The following ZNF692 variants were observed in gnomAD, a reference collection of about 807,000 sequenced individuals.
ZNF692 encodes AICAR responsive element binding protein.
A neutral mutation model predicts 49.0 loss-of-function variants in ZNF692; 41 were observed. That is an observed-to-expected ratio of 0.84 (90% CI 0.65 to 1.08). The LOEUF is 1.08. ZNF692 is among the 50% of genes least tolerant of loss of function. The pLI is 0.00. For synonymous variants in ZNF692, 288 were observed against 251.5 expected (o/e 1.15, Z -1.37); for missense variants, 662 against 662.2 (o/e 1.00, Z 0.00).
Position 248,855,468 on chromosome 1 carries a change from A to C in ZNF692, c.960-10T>G. On this transcript the variant is annotated splice_polypyrimidine_tract_variant and intron_variant, in intron 8 of 11. Transcript: ENST00000306601. ...TCTTTTGGCAGCTTTCCTGAGGAGAAGAATGGAAAGGAGCAGCATGACTCC... is the reference window on the plus strand; with the variant it reads ...TCTTTTGGCAGCTTTCCTGAGGAGACGAATGGAAAGGAGCAGCATGACTCC... 9 of 1,614,116 alleles carry C rather than the reference A, an allele frequency of 5.6e-6. No individual in the cohort carries two copies. The highest frequency in any genetic ancestry group is 7.6e-6 in the Non-Finnish European group (9 of 1,180,000).
intron 2 of ZNF692, 135 bp downstream of exon 2, chr1:248,857,996 G>A (rs977914131): frequency 1.9e-6 from 3 of 1,547,966 alleles, no homozygotes; most frequent in Non-Finnish European, 2.6e-6. Flanking sequence ...ACCCTCGGAG[G>A]CCACAAGTCA....
Position 248,855,594 on chromosome 1 carries a change from TC to T in ZNF692, c.922del (p.Asp308MetfsTer20). The T allele has an allele frequency of 6.2e-7, 1 of 1,614,188 alleles. No homozygotes were observed. The highest frequency in any genetic ancestry group is 8.5e-7 in the Non-Finnish European group (1 of 1,180,030). ...QAQSAPTPAWDEDTAQIGPKR... is the reference protein window; with the variant it reads ...QAQSAPTPAWXEDTAQIGPKR... ...GGGGCCAATTTGTGCAGTGTCCTCA[TC>T]CCAGGCCGGGGTTGGAGCAGACTGG... On this transcript the variant is annotated frameshift_variant, in exon 8 of 12. Transcript: ENST00000306601. LOFTEE classifies it high-confidence loss of function.
rs371567756 is a variant in ZNF692 at position 248,858,771 on chromosome 1, T to G, written c.-13+147A>C. ...GTTGGGTCGAGTGGCGGTGAGGCCG[T>G]GGTCAGAGGTCTGGAGGGCGCCCCC... On this transcript the variant is annotated intron_variant, in intron 1 of 11. Coordinates refer to ENST00000306601, the MANE Select transcript of ZNF692 (RefSeq NM_017865.4). The surrounding 1 kb of genome is among the most constrained non-coding windows in gnomAD (Gnocchi z 4.3). The G allele has an allele frequency of 8.4e-4, 510 of 609,900 alleles. No homozygotes were observed. Among genetic ancestry groups the G allele is most frequent in the African/African-American group, 7.6e-3 (412 of 54,248 alleles). 37.8% of individuals were successfully genotyped at this position (609,900 alleles called of 1,614,324 possible).
chr1:248,855,411 C>G lies in ZNF692; in HGVS notation c.1007G>C (p.Gly336Ala). ...ATACTGCCGGTTGGAGAAGATCCTT[C>G]CACAGCCAGGGAAGTCACAAGGCAT... is the stretch of plus-strand genomic sequence containing the variant. ...ELMPCDFPGC[G>A]RIFSNRQYLN... The change falls in exon 9 of 12, where the codon GGA becomes GCA. Residue 336 changes from glycine to alanine, a missense_variant. Transcript: ENST00000306601. 1 of 1,614,182 alleles carries G rather than the reference C, an allele frequency of 6.2e-7. No individual in the cohort carries two copies. The highest frequency in any genetic ancestry group is 8.5e-7 in the Non-Finnish European group (1 of 1,180,034).
intron 9 of ZNF692, chr1:248,854,472 G>A (rs758011856): frequency 3.0e-4 from 50 of 164,562 alleles, no homozygotes; most frequent in South Asian, 1.4e-4. Context: ...CAGTATTCAC[G>A]TACAACAGTA....
intron 9 of ZNF692, 130 bp downstream of exon 9, chr1:248,855,250 T>C (rs1660087760): frequency 1.2e-6 from 1 of 825,734 alleles, no homozygotes; most frequent in Admixed American, 2.3e-5. Flanking sequence ...CAAAAGACTT[T>C]ATACATGTCA....
At chr1:248,857,578 G>A (rs1660390596) in intron 3 of ZNF692, 81 bp from the exon 4 acceptor site, 1 of 1,533,332 alleles carries the variant, frequency 6.5e-7, no homozygotes, top group Non-Finnish European at 8.8e-7. Context: ...AGGGAGCCCT[G>A]TTCCCTCAAA....
At chr1:248,856,068 G>GCTC in intron 6 of ZNF692, 122 bp from the exon 7 acceptor site, 3 of 1,224,288 alleles carry the variant, frequency 2.5e-6, no homozygotes, top group Non-Finnish European at 3.4e-6. Flanking sequence ...CCCACCCTAG[G>GCTC]CTCCCCATTC....
Position 248,856,399 on chromosome 1 carries a change from GTC to G in ZNF692, c.546_547del (p.Glu182AspfsTer11). 6.2e-7 allele frequency: 1 copy of G among 1,613,098 alleles called. No individual in the cohort carries two copies. Among genetic ancestry groups the G allele is most frequent in the South Asian group, 1.1e-5 (1 of 90,968 alleles). Reference sequence around the variant, plus strand: ...CTCTTCCTCTCCTGGAGGTGGGAAGGTCTCTGGTGGGGGTCCCACCCTCCTGC... The same window carrying G: ...CTCTTCCTCTCCTGGAGGTGGGAAGGTCTGGTGGGGGTCCCACCCTCCTGC... On this transcript the variant is annotated frameshift_variant, in exon 6 of 12. Transcript: ENST00000306601. LOFTEE classifies it high-confidence loss of function.
In ZNF692 at chr1:248,857,263, G is replaced by C. The variant is rs1660348642; in HGVS notation, c.446C>G (p.Ser149Cys). Residue 149 changes from serine to cysteine, a missense_variant, in exon 4 of 12, where the codon TCC becomes TGC. Ser to Cys is a moderately radical substitution (Grantham distance 112). Coordinates refer to ENST00000306601, the MANE Select transcript of ZNF692 (RefSeq NM_017865.4). ...AAGCTCCTGCCCACTCGTGGCCTCG[G>C]AACACCAACTTCTCCGAGTAGTATG... Reference protein sequence around the residue: ...LPHTTRRSWCSEATSGQELAD... With the variant: ...LPHTTRRSWCCEATSGQELAD... The C allele has an allele frequency of 3.1e-6, 5 of 1,613,882 alleles. No homozygotes were observed. The highest frequency in any genetic ancestry group is 4.2e-6 in the Non-Finnish European group (5 of 1,179,972).
Position 248,857,218 on chromosome 1 carries a change from C to T in ZNF692, c.475+16G>A. The T allele has an allele frequency of 3.1e-6, 5 of 1,602,916 alleles. No individual in the cohort carries two copies. The highest frequency in any genetic ancestry group is 4.3e-6 in the Non-Finnish European group (5 of 1,174,042). On this transcript the variant is annotated intron_variant, in intron 4 of 11. Transcript: ENST00000306601. Reference sequence around the variant, plus strand: ...TTCCTCCCTTTTCTCCATAACTCTGCTTTTTTCCAGCCTACCTGCAAGCTC... The same window carrying T: ...TTCCTCCCTTTTCTCCATAACTCTGTTTTTTTCCAGCCTACCTGCAAGCTC...
intron 10 of ZNF692, among the ~76,000 whole-genome samples, chr1:248,853,229 CT>C (rs1659811276): frequency 6.6e-6 from 1 of 152,234 alleles, no homozygotes; most frequent in African/African-American, 2.4e-5. Flanking sequence ...CAGGCACCAC[CT>C]TGCCCTCTTG....
chr1:248,852,486 G>A (rs987794974), intron 10 of ZNF692, among the ~76,000 whole-genome samples: 1 of 152,080 alleles, frequency 6.6e-6, no homozygotes, highest in African/African-American at 2.4e-5. Flanking sequence ...TTTCTCTATG[G>A]AATCATTCCC....
At chr1:248,851,797 G>GA (rs919302776) in intron 10 of ZNF692, among the ~76,000 whole-genome samples, 44 of 151,966 alleles carry the variant, frequency 2.9e-4, no homozygotes, top group African/African-American at 9.9e-4. Context: ...GTTAGGAGGA[G>GA]AAAAAAAAGA....
Position 248,858,119 on chromosome 1 carries a change from C to A in ZNF692, c.179+12G>T. ...GGGTACCCTCCCCCAAGCCCTTCTCCCGGCCCCTAACCGGTCCAACAGGAA... is the reference window on the plus strand; with the variant it reads ...GGGTACCCTCCCCCAAGCCCTTCTCACGGCCCCTAACCGGTCCAACAGGAA... On this transcript the variant is annotated intron_variant, in intron 2 of 11. Coordinates refer to ENST00000306601, the MANE Select transcript of ZNF692 (RefSeq NM_017865.4). This position sits in a 1 kb window ranked among gnomAD's most constrained non-coding sequence, Gnocchi z 4.3. 1 of 1,560,106 alleles carries A rather than the reference C, an allele frequency of 6.4e-7. No homozygotes were observed.
intron 11 of ZNF692, 30 bp downstream of exon 11, chr1:248,850,652 C>G (rs1558245447): frequency 6.2e-7 from 1 of 1,613,112 alleles, no homozygotes; most frequent in South Asian, 1.1e-5. Flanking sequence ...CTTCTAGCCC[C>G]TGGCCCTCAG....
Position 248,850,385 on chromosome 1 carries a change from C to G in ZNF692, c.1385G>C (p.Ser462Thr). The change falls in exon 12 of 12, where the codon AGT becomes ACT. Residue 462 changes from serine (S) to threonine (T), a missense_variant. Transcript: ENST00000306601. ...FCGKRFEKPD[S>T]VAAHRSKSHP... ...ACTTTTGCTACGGTGGGCTGCAACA[C>G]TGTCTGGCTTCTCAAAGCGCTTGCC... 2 of 1,614,128 alleles carry G rather than the reference C, an allele frequency of 1.2e-6. No homozygotes were observed. The highest frequency in any genetic ancestry group is 1.7e-6 in the Non-Finnish European group (2 of 1,180,012).
At chr1:248,856,006 C>T (rs13313009) in intron 6 of ZNF692, 60 bp from the exon 7 acceptor site, 111,308 of 1,532,334 alleles carry the variant, frequency 0.073, 8,085 homozygotes, top group African/African-American at 0.31. Context: ...CCATCCCCTG[C>T]CCGACCCTAG....
intron 9 of ZNF692, chr1:248,854,570 A>ACACACACACACACACACACACACACT (rs1273007739): frequency 5.3e-4 from 81 of 154,264 alleles, no homozygotes; most frequent in Admixed American, 2.3e-3. Context: ...ACACACACAC[A>ACACACACACACACACACACACACACT]CTCTCAACCT....
Sources: gnomAD v4.1 joint callset for allele counts (sites outside exome capture counted in the v4.1 genomes callset) on GRCh38, gnomAD v4.1.1 for gene constraint, Gnocchi (gnomAD v3.1) non-coding constraint, MANE v1.5 for transcripts, NCBI Gene and HGNC (gene_info 2026-07-23, HGNC 2026-07-21) for gene names.